Variants in CFAP299 observed in about 807,000 individuals in gnomAD.
The protein encoded by CFAP299 is cilia- and flagella-associated protein 299.
CFAP299 carries 21 observed loss-of-function variants against 27.0 expected under a neutral mutation model. The observed-to-expected ratio is 0.78, with a 90% CI of 0.55 to 1.12. CFAP299 has a LOEUF of 1.12. Among genes scored for constraint, CFAP299 ranks in the 50% most tolerant of loss-of-function variants. CFAP299 has a pLI of 0.00. For synonymous variants in CFAP299, 104 were observed against 98.1 expected, an observed-to-expected ratio of 1.06 and a Z score of -0.36; for missense variants, 310 against 276.6, an observed-to-expected ratio of 1.12 and a Z score of -0.86.
chr4:80,585,667 G>T (rs1011218392), intron 3 of CFAP299, among the ~76,000 whole-genome samples: 1 of 152,094 alleles, frequency 6.6e-6, no homozygotes, highest in Non-Finnish European at 1.5e-5. Flanking sequence ...GTATACAAAT[G>T]GTTAATGTGA....
chr4:80,590,012 A>T (rs1736641718), intron 3 of CFAP299, among the ~76,000 whole-genome samples: 2 of 152,218 alleles, frequency 1.3e-5, no homozygotes, highest in Admixed American at 1.3e-4. Flanking sequence ...TAATTGTAGC[A>T]TTGCTCATAA....
At chr4:80,823,521 G>T (rs898600763) in intron 3 of CFAP299, among the ~76,000 whole-genome samples, 121 of 152,210 alleles carry the variant, frequency 7.9e-4, no homozygotes, top group African/African-American at 2.8e-3. Context: ...ATATTCATCT[G>T]TATACTTGCC....
chr4:80,575,215 T>C (rs1735791775), intron 2 of CFAP299, among the ~76,000 whole-genome samples: 1 of 152,176 alleles, frequency 6.6e-6, no homozygotes, highest in Non-Finnish European at 1.5e-5. Flanking sequence ...TATACATTTA[T>C]TCATTTCATG....
intron 3 of CFAP299, among the ~76,000 whole-genome samples, chr4:80,809,540 A>G (rs1729035481): frequency 6.6e-6 from 1 of 152,152 alleles, no homozygotes; most frequent in Admixed American, 6.6e-5. Context: ...AAAATGAGTC[A>G]TAATTGCCAC....
chr4:80,486,175 C>T (rs1049256727), intron 2 of CFAP299, among the ~76,000 whole-genome samples: 1 of 152,106 alleles, frequency 6.6e-6, no homozygotes, highest in Non-Finnish European at 1.5e-5. Flanking sequence ...TTGGTGTCCA[C>T]AAGTTAGTAG....
At chr4:80,657,769 G>A (rs945745049) in intron 3 of CFAP299, among the ~76,000 whole-genome samples, 8 of 152,208 alleles carry the variant, frequency 5.3e-5, no homozygotes, top group East Asian at 1.9e-4. Context: ...TGTGAAAAAA[G>A]TCGATGGTAG....
At chr4:80,902,882 T>C (rs1228755277) in intron 4 of CFAP299, among the ~76,000 whole-genome samples, 1 of 151,988 alleles carries the variant, frequency 6.6e-6, no homozygotes, top group Non-Finnish European at 1.5e-5. Context: ...TTTTATTGAG[T>C]CTTGTACATA....
chr4:80,636,475 A>G (rs563930515), intron 3 of CFAP299, among the ~76,000 whole-genome samples: 1 of 152,328 alleles, frequency 6.6e-6, no homozygotes, highest in African/African-American at 2.4e-5. Flanking sequence ...TTGTTCATAA[A>G]TAGTCAAAGG....
At chr4:80,467,347 C>A (rs1370593512) in intron 2 of CFAP299, among the ~76,000 whole-genome samples, 1 of 152,138 alleles carries the variant, frequency 6.6e-6, no homozygotes, top group Non-Finnish European at 1.5e-5. Context: ...CTTGATGTAC[C>A]ATTCTTACAA....
chr4:80,506,067 G>A (rs905559005), intron 2 of CFAP299, among the ~76,000 whole-genome samples: 2 of 151,460 alleles, frequency 1.3e-5, no homozygotes, highest in South Asian at 2.1e-4. Context: ...TAATTTGAAC[G>A]TGCTTATTTT....
chr4:80,780,473 A>G (rs753755659), intron 3 of CFAP299, among the ~76,000 whole-genome samples: 1 of 152,084 alleles, frequency 6.6e-6, no homozygotes, highest in Non-Finnish European at 1.5e-5. Context: ...TTGCTGAATG[A>G]ATTACTAAAA....
chr4:80,933,629 T>G (rs1578249208), intron 4 of CFAP299, among the ~76,000 whole-genome samples: 1 of 152,224 alleles, frequency 6.6e-6, no homozygotes, highest in Non-Finnish European at 1.5e-5. Context: ...GTTTTCTAGT[T>G]TTTAGTGTAT....
At chr4:80,889,172 A>G (rs2110184058) in intron 4 of CFAP299, among the ~76,000 whole-genome samples, 1 of 151,930 alleles carries the variant, frequency 6.6e-6, no homozygotes, top group South Asian at 2.1e-4. Context: ...GAACAAAACA[A>G]TACAAGAGAT....
intron 3 of CFAP299, among the ~76,000 whole-genome samples, chr4:80,731,319 C>T (rs1306974408): frequency 6.6e-6 from 1 of 152,172 alleles, no homozygotes; most frequent in African/African-American, 2.4e-5. Context: ...AAAACAGGCA[C>T]AGTAAAATCA....
intron 4 of CFAP299, among the ~76,000 whole-genome samples, chr4:80,887,443 G>T (rs1345383845): frequency 7.0e-6 from 1 of 143,358 alleles, no homozygotes; most frequent in African/African-American, 2.8e-5. Context: ...TTAAAGTGCT[G>T]AAAGAAAAAA....
At chr4:80,427,260 A>G (rs1727571880) in intron 2 of CFAP299, among the ~76,000 whole-genome samples, 1 of 152,148 alleles carries the variant, frequency 6.6e-6, no homozygotes, top group Non-Finnish European at 1.5e-5. Context: ...TTCCACCAAC[A>G]TATTTTATTT....
intron 2 of CFAP299, among the ~76,000 whole-genome samples, chr4:80,468,795 T>C (rs1054352187): frequency 1.9e-4 from 28 of 144,042 alleles, no homozygotes; most frequent in African/African-American, 7.8e-5. Context: ...AGATCACACA[T>C]TGCACTCCAG....
chr4:80,644,020 G>A lies in CFAP299; in HGVS notation c.333+60837G>A, dbSNP rs140798758. ...ACCTCTAATGTCTATCAATAGCAAA[G>A]TAGTTGAATGCATCATAGTGTTTCC... On this transcript the variant is annotated intron_variant, in intron 3 of 5. Transcript: ENST00000358105. Among the ~76,000 whole-genome samples the A allele has an allele frequency of 8.9e-3, 1,349 of 152,250 alleles. 20 individuals carry two copies. Among genetic ancestry groups the A allele is most frequent in the African/African-American group, 0.03 (1,244 of 41,554 alleles).
At chr4:80,794,854 T>G (rs904182615) in intron 3 of CFAP299, among the ~76,000 whole-genome samples, 5 of 152,192 alleles carry the variant, frequency 3.3e-5, no homozygotes, top group Non-Finnish European at 7.3e-5. Context: ...GGTAGTTGGC[T>G]GATCACCCCA....
Sources: allele counts gnomAD v4.1 joint callset (sites outside exome capture counted in the v4.1 genomes callset), GRCh38; gene constraint gnomAD v4.1.1; transcripts MANE v1.5; gene names NCBI Gene and HGNC (gene_info 2026-07-23, HGNC 2026-07-21).